Variants in SLIT3 observed in about 807,000 individuals in gnomAD.
SLIT3 encodes the protein slit guidance ligand 3.
In SLIT3, 68 loss-of-function variants were observed where a neutral mutation model predicts 184.0. That is an observed-to-expected ratio of 0.37 (90% CI 0.30 to 0.45). SLIT3 has a LOEUF of 0.45. Among genes scored for constraint, SLIT3 ranks in the 20% least tolerant of loss-of-function variants. The pLI is 1.00. For synonymous variants in SLIT3, 831 were observed against 828.6 expected, an observed-to-expected ratio of 1.00 and a Z score of -0.05; for missense variants, 1,707 against 2,026.0, an observed-to-expected ratio of 0.84 and a Z score of 3.02.
At chr5:168,797,322 G>A (rs1013418368) in intron 9 of SLIT3, among the ~76,000 whole-genome samples, 4 of 152,212 alleles carry the variant, frequency 2.6e-5, no homozygotes, top group African/African-American at 9.6e-5. Context: ...GTCAGGTGGT[G>A]CGTGCTCTCC....
chr5:169,035,272 A>C (rs1039984891), intron 4 of SLIT3, among the ~76,000 whole-genome samples: 1 of 152,186 alleles, frequency 6.6e-6, no homozygotes, highest in African/African-American at 2.4e-5. Context: ...TATTAACAGT[A>C]GTAGTAAGAG....
intron 23 of SLIT3, among the ~76,000 whole-genome samples, chr5:168,713,706 G>A (rs1349959446): frequency 2.0e-5 from 3 of 152,334 alleles, no homozygotes; most frequent in African/African-American, 7.2e-5. Context: ...GTCTTCAGCT[G>A]ACAGAGACAT....
chr5:168,817,531 C>G, intron 7 of SLIT3, 68 bp from the exon 8 acceptor site: 1 of 1,512,626 alleles, frequency 6.6e-7, no homozygotes, highest in South Asian at 1.2e-5. Flanking sequence ...ACTGGCCAGA[C>G]AGAGTGACCA....
At position 168,775,081 on chromosome 5, in the gene SLIT3, AG is replaced by A. The variant is rs1755696970; in HGVS notation, c.1152-704del. Among the ~76,000 whole-genome samples the A allele has an allele frequency of 3.5e-5, 5 of 142,284 alleles. No individual in the cohort carries two copies. The Admixed American group carries it at 3.7e-4, about 11-fold the overall frequency. The allele number at this position is 142,284 out of a possible 152,430, so 93.3% of individuals were successfully genotyped here. A position where few individuals can be genotyped will look rare whatever the true frequency, so the allele number is the denominator to read the frequency against. ...AGATGGAGTCTTGCTCTTGTCGCCC[AG>A]GCTGGAGTTCAATGGCGTGATCTCG... On this transcript the variant is annotated intron_variant, in intron 12 of 35. Coordinates refer to ENST00000519560, the MANE Select transcript of SLIT3 (RefSeq NM_003062.4).
intron 6 of SLIT3, among the ~76,000 whole-genome samples, chr5:168,829,711 A>T (rs1757817859): frequency 2.0e-5 from 3 of 152,238 alleles, no homozygotes; most frequent in African/African-American, 7.2e-5. Flanking sequence ...CCTACAGTGA[A>T]TTAACAGAGG....
intron 4 of SLIT3, among the ~76,000 whole-genome samples, chr5:168,976,208 C>T (rs1183672905): frequency 2.0e-5 from 3 of 152,192 alleles, no homozygotes; most frequent in Non-Finnish European, 4.4e-5. Flanking sequence ...GACTATGTAA[C>T]TTGCCCAAGG....
intron 4 of SLIT3, among the ~76,000 whole-genome samples, chr5:168,997,357 G>A (rs758616877): frequency 1.3e-5 from 2 of 152,114 alleles, no homozygotes; most frequent in Non-Finnish European, 1.5e-5. Context: ...GGGAGAGACT[G>A]CAATTACTTT....
intron 3 of SLIT3, among the ~76,000 whole-genome samples, chr5:169,217,419 C>T (rs1343570396): frequency 1.3e-5 from 2 of 152,108 alleles, no homozygotes; most frequent in African/African-American, 2.4e-5. Flanking sequence ...TCCCAGGGCT[C>T]GACTTTGTGG....
chr5:169,237,825 A>T (rs1160668809), intron 3 of SLIT3, among the ~76,000 whole-genome samples: 1 of 152,140 alleles, frequency 6.6e-6, no homozygotes, highest in Non-Finnish European at 1.5e-5. Flanking sequence ...ATTCTTTATC[A>T]GATACATGTT....
At chr5:168,787,807 G>A (rs753998486) in intron 11 of SLIT3, among the ~76,000 whole-genome samples, 1 of 152,018 alleles carries the variant, frequency 6.6e-6, no homozygotes, top group African/African-American at 2.4e-5. Context: ...AGGGGTAAAG[G>A]CTCTCCAGCC....
At chr5:168,735,695 CACACACACACAT>C (rs1763414773) in intron 20 of SLIT3, among the ~76,000 whole-genome samples, 2 of 138,620 alleles carry the variant, frequency 1.4e-5, no homozygotes, top group South Asian at 4.5e-4. Context: ...CACACACACA[CACACACACACAT>C]CTCCATCCAA....
At chr5:168,800,880 G>A (rs567227049) in intron 9 of SLIT3, among the ~76,000 whole-genome samples, 5 of 152,316 alleles carry the variant, frequency 3.3e-5, no homozygotes, top group South Asian at 4.1e-4. Context: ...AGACTAAATC[G>A]TTCTGTGATG....
chr5:168,851,732 A>G (rs895766344), intron 5 of SLIT3, among the ~76,000 whole-genome samples: 1 of 152,192 alleles, frequency 6.6e-6, no homozygotes, highest in Admixed American at 6.5e-5. Flanking sequence ...AAACAAATCA[A>G]TTCCAGGCCA....
chr5:169,142,943 T>C (rs1561693856), intron 4 of SLIT3, among the ~76,000 whole-genome samples: 1 of 152,224 alleles, frequency 6.6e-6, no homozygotes, highest in Admixed American at 6.5e-5. Flanking sequence ...AATATATCTT[T>C]GGAGCTGCCA....
chr5:169,126,388 C>T lies in SLIT3; in HGVS notation c.413+67091G>A, dbSNP rs369698652. 4.6e-5 allele frequency among the ~76,000 whole-genome samples: 7 copies of T among 152,298 alleles called. No homozygotes were observed. In the East Asian group the frequency reaches 7.7e-4, roughly 17 times the overall value. ...GATGTGAGACCTCACGCAGGCAACA[C>T]CATGATGTTGCTAAAGGGTAAGATA... On this transcript the variant is annotated intron_variant, in intron 4 of 35. Transcript: ENST00000519560.
At chr5:169,269,626 G>A (rs1766528574) in intron 1 of SLIT3, among the ~76,000 whole-genome samples, 1 of 152,240 alleles carries the variant, frequency 6.6e-6, no homozygotes, top group Non-Finnish European at 1.5e-5. Flanking sequence ...GAAAGGAAGA[G>A]AATGCAGTCT....
chr5:168,881,857 G>C (rs1759966631), intron 5 of SLIT3, among the ~76,000 whole-genome samples: 4 of 152,174 alleles, frequency 2.6e-5, no homozygotes, highest in Admixed American at 2.0e-4. Context: ...TCCTGCAAAG[G>C]AGCTCCCATT....
intron 6 of SLIT3, among the ~76,000 whole-genome samples, chr5:168,823,979 G>A (rs540996077): frequency 2.4e-4 from 37 of 152,214 alleles, no homozygotes; most frequent in Non-Finnish European, 3.7e-4. Flanking sequence ...ACGGGGTTTC[G>A]CTCTTGTCAC....
intron 4 of SLIT3, among the ~76,000 whole-genome samples, chr5:169,144,909 C>T (rs547870304): frequency 1.3e-5 from 2 of 152,178 alleles, no homozygotes; most frequent in Non-Finnish European, 2.9e-5. Context: ...ATGCTCCTTC[C>T]CTCCCACCTT....
Sources: allele counts gnomAD v4.1 joint callset (sites outside exome capture counted in the v4.1 genomes callset), GRCh38; gene constraint gnomAD v4.1.1; transcripts MANE v1.5; gene names NCBI Gene and HGNC (gene_info 2026-07-23, HGNC 2026-07-21).